Variants in DOCK7 observed in about 807,000 individuals in gnomAD.
The protein encoded by DOCK7 is dedicator of cytokinesis 7.
A neutral mutation model predicts 271.0 loss-of-function variants in DOCK7; 138 were observed. The observed-to-expected ratio is 0.51, with a 90% CI of 0.44 to 0.59. The LOEUF (loss-of-function observed/expected upper bound fraction) is 0.59. Ranked by LOEUF, DOCK7 falls within the 20% of genes least tolerant of loss-of-function variation. The pLI is 0.00. For synonymous variants in DOCK7, 823 were observed against 876.1 expected (o/e 0.94, Z 1.07); for missense variants, 2,066 against 2,592.4 (o/e 0.80, Z 4.41).
At chr1:62,621,714 C>G (rs1653265267) in intron 12 of DOCK7, among the ~76,000 whole-genome samples, 1 of 152,088 alleles carries the variant, frequency 6.6e-6, no homozygotes, top group African/African-American at 2.4e-5. Context: ...TCTGACTTTA[C>G]AAGGTTTCTT....
chr1:62,665,143 C>T lies in DOCK7; in HGVS notation c.39-2013G>A, dbSNP rs562470164. ...CTGGAATTACAGGCATGCACCACCA[C>T]GCCTAGCTAATTTTTTTGTATTTTT... On this transcript the variant is annotated intron_variant, in intron 1 of 49. Transcript: ENST00000635253. Among the ~76,000 whole-genome samples the T allele has an allele frequency of 4.6e-5, 7 of 152,068 alleles. No individual in the cohort carries two copies. The East Asian group carries it at 9.7e-4, about 21-fold the overall frequency.
intron 2 of DOCK7, among the ~76,000 whole-genome samples, chr1:62,661,327 T>A (rs1289269880): frequency 6.6e-6 from 1 of 152,018 alleles, no homozygotes; most frequent in Non-Finnish European, 1.5e-5. Flanking sequence ...TATGGGATAA[T>A]GAAAAAGTTC....
At position 62,513,467 on chromosome 1, in the gene DOCK7, G is replaced by A. The variant is rs56380824; in HGVS notation, c.4259C>T (p.Thr1420Met). 13 of 1,611,844 alleles carry A rather than the reference G, an allele frequency of 8.1e-6. No individual in the cohort carries two copies. The highest frequency in any genetic ancestry group is 2.7e-5 in the African/African-American group (2 of 74,836). ...MVRRSRGQLG[T>M]YTIASPPERS... ...ACCAGGAGGAGAAGCTATTGTGTAC[G>A]TACCGAGCTGTCCTCGGCTTCGCCG... is the stretch of plus-strand genomic sequence containing the variant. Residue 1420 changes from threonine to methionine, a missense_variant, in exon 33 of 50, where the codon ACG becomes ATG. Physicochemically the swap from Thr to Met is moderately conservative, Grantham distance 81. Around this residue, in one of 2 missense-constraint regions of DOCK7, gnomAD observed 652 missense variants for 922.1 expected, o/e 0.71. Coordinates refer to ENST00000635253, the MANE Select transcript of DOCK7 (RefSeq NM_001367561.1).
intron 22 of DOCK7, among the ~76,000 whole-genome samples, chr1:62,546,885 C>T (rs1645729143): frequency 6.6e-6 from 1 of 152,022 alleles, no homozygotes; most frequent in Non-Finnish European, 1.5e-5. Context: ...AAAATTATGT[C>T]TTTTTTGTAT....
chr1:62,557,564 T>A (rs900909285), intron 20 of DOCK7, among the ~76,000 whole-genome samples: 2 of 147,684 alleles, frequency 1.4e-5, no homozygotes, highest in African/African-American at 5.0e-5. Context: ...CTACCTTCAC[T>A]TAGACTAAAA....
At chr1:62,564,844 C>T (rs1404444581) in intron 18 of DOCK7, among the ~76,000 whole-genome samples, 1 of 151,916 alleles carries the variant, frequency 6.6e-6, no homozygotes, top group Non-Finnish European at 1.5e-5. Flanking sequence ...CAAATAGATG[C>T]AATAAAAAAC....
intron 40 of DOCK7, among the ~76,000 whole-genome samples, chr1:62,494,029 CAA>C (rs1646544059): frequency 6.6e-6 from 1 of 152,152 alleles, no homozygotes; most frequent in African/African-American, 2.4e-5. Flanking sequence ...GCAGTAAAGA[CAA>C]AGAGAATAAA....
At chr1:62,499,414 A>G (rs1452067456) in intron 37 of DOCK7, among the ~76,000 whole-genome samples, 1 of 152,186 alleles carries the variant, frequency 6.6e-6, no homozygotes, top group Non-Finnish European at 1.5e-5. Flanking sequence ...TCTTTATCAA[A>G]ATGAGGAGTC....
chr1:62,649,819 C>G (rs1657115722), intron 4 of DOCK7, among the ~76,000 whole-genome samples: 1 of 152,186 alleles, frequency 6.6e-6, no homozygotes, highest in Admixed American at 6.6e-5. Flanking sequence ...TTCTAGCATG[C>G]TTTCAATATG....
At chr1:62,505,210 T>C (rs917243781) in intron 36 of DOCK7, among the ~76,000 whole-genome samples, 1 of 152,228 alleles carries the variant, frequency 6.6e-6, no homozygotes, top group Admixed American at 6.5e-5. Context: ...TTTAAGAATA[T>C]ACATATTTCT....
chr1:62,575,160 C>G (rs2149477376), intron 18 of DOCK7, among the ~76,000 whole-genome samples: 1 of 152,278 alleles, frequency 6.6e-6, no homozygotes, highest in South Asian at 2.1e-4. Context: ...TCTCAAGAAG[C>G]TGGGATTACA....
chr1:62,495,305 C>T (rs1646588410), intron 39 of DOCK7: 1 of 203,876 alleles, frequency 4.9e-6, no homozygotes, highest in South Asian at 1.8e-4. Context: ...AGAAAAATCA[C>T]TCAAGGCCAG....
At chr1:62,585,295 C>T (rs1232859267) in intron 15 of DOCK7, among the ~76,000 whole-genome samples, 1 of 151,862 alleles carries the variant, frequency 6.6e-6, no homozygotes, top group Non-Finnish European at 1.5e-5. Flanking sequence ...TGTATCTTTC[C>T]CAGTATGTGG....
At chr1:62,598,852 G>A (rs779246554) in intron 14 of DOCK7, 9 of 1,144,014 alleles carry the variant, frequency 7.9e-6, no homozygotes, top group Admixed American at 1.7e-5. Context: ...ACACAGGTCT[G>A]TAAAAACACT....
chr1:62,650,942 T>C (rs1295382087), intron 4 of DOCK7, among the ~76,000 whole-genome samples: 1 of 152,176 alleles, frequency 6.6e-6, no homozygotes, highest in Non-Finnish European at 1.5e-5. Flanking sequence ...ATCCCATTAC[T>C]GGGTATATAC....
chr1:62,488,789 C>T, intron 42 of DOCK7, 145 bp downstream of exon 42: 1 of 1,021,610 alleles, frequency 9.8e-7, no homozygotes, highest in Non-Finnish European at 1.5e-6. Flanking sequence ...TTGCTTTGGC[C>T]ATGAACTATC....
chr1:62,584,877 C>A lies in DOCK7; in HGVS notation c.1801-1623G>T, dbSNP rs77339561. On this transcript the variant is annotated intron_variant, in intron 15 of 49. Coordinates refer to ENST00000635253, the MANE Select transcript of DOCK7 (RefSeq NM_001367561.1). Reference sequence around the variant, plus strand: ...CGGTATAGGATGGGTGCAGCTGGGGCTCTGTAGAGGAGGCCACATATATGA... The same window carrying A: ...CGGTATAGGATGGGTGCAGCTGGGGATCTGTAGAGGAGGCCACATATATGA... The A allele has an allele frequency of 6.6e-5, 47 of 716,302 alleles. No individual in the cohort carries two copies. In the African/African-American group the frequency reaches 7.5e-4, roughly 11 times the overall value. 44.4% of individuals were successfully genotyped at this position (716,302 alleles called of 1,614,324 possible). A position where few individuals can be genotyped will look rare whatever the true frequency, so the allele number is the denominator to read the frequency against.
At chr1:62,524,953 A>G (rs893830412) in intron 31 of DOCK7, among the ~76,000 whole-genome samples, 11 of 119,390 alleles carry the variant, frequency 9.2e-5, no homozygotes, top group Admixed American at 9.1e-4. Context: ...ATATATATAT[A>G]TATTACTATA....
At position 62,634,813 on chromosome 1, in the gene DOCK7, G is replaced by GA. The variant is rs2149634860; in HGVS notation, c.994dup (p.Ser332PhefsTer43). On this transcript the variant is annotated frameshift_variant, in exon 9 of 50. Coordinates refer to ENST00000635253, the MANE Select transcript of DOCK7 (RefSeq NM_001367561.1). LOFTEE classifies it high-confidence loss of function. ...AACATCTTGGGAAGGATAAGTGATAGAAAAAATTGCTGATCTTGCCAGGGT... is the reference window on the plus strand; with the variant it reads ...AACATCTTGGGAAGGATAAGTGATAGAAAAAAATTGCTGATCTTGCCAGGGT... 2 of 1,613,154 alleles carry GA rather than the reference G, an allele frequency of 1.2e-6. No homozygotes were observed. The highest frequency in any genetic ancestry group is 1.7e-6 in the Non-Finnish European group (2 of 1,179,468).
Sources: allele counts gnomAD v4.1 joint callset (sites outside exome capture counted in the v4.1 genomes callset), GRCh38; gene constraint gnomAD v4.1.1; regional missense constraint gnomAD v4.1.1; transcripts MANE v1.5; gene names NCBI Gene and HGNC (gene_info 2026-07-23, HGNC 2026-07-21).